KATNA1: variants seen among roughly 807,000 people sequenced by gnomAD.
The protein encoded by KATNA1 is katanin catalytic subunit A1.
KATNA1 carries 42 observed loss-of-function variants against 62.6 expected under a neutral mutation model. The observed-to-expected ratio is 0.67, with a 90% confidence interval of 0.52 to 0.87. The LOEUF is 0.87. KATNA1 is among the 40% of genes least tolerant of loss of function. KATNA1 has a pLI of 0.00. For missense variants in KATNA1, 498 were observed against 612.5 expected, an observed-to-expected ratio of 0.81 and a Z score of 1.97; for synonymous variants, 186 against 201.9, an observed-to-expected ratio of 0.92 and a Z score of 0.67.
intron 4 of KATNA1, among the ~76,000 whole-genome samples, chr6:149,616,142 T>C (rs1036374651): frequency 6.6e-6 from 1 of 152,182 alleles, no homozygotes; most frequent in Non-Finnish European, 1.5e-5. Context: ...AAATGAATGG[T>C]TGTGATGGCT....
rs150492238 is a variant in KATNA1 at position 149,627,387 on chromosome 6, G to A, written c.321-4104C>T. Among the ~76,000 whole-genome samples, 593 of 151,572 alleles carry A rather than the reference G, an allele frequency of 3.9e-3. 2 individuals carry two copies. Among genetic ancestry groups the A allele is most frequent in the Middle Eastern group, 0.014 (4 of 294 alleles). ...TCGAGACTAGCCTGGCAAATATGGC[G>A]AAACCCTGTCTACTAAAAATACAAA... On this transcript the variant is annotated intron_variant, in intron 3 of 10. Coordinates refer to ENST00000367411, the MANE Select transcript of KATNA1 (RefSeq NM_007044.4).
At chr6:149,641,665 G>A (rs754956421) in intron 1 of KATNA1, among the ~76,000 whole-genome samples, 3 of 152,148 alleles carry the variant, frequency 2.0e-5, no homozygotes, top group Non-Finnish European at 4.4e-5. Context: ...TACCTACAAT[G>A]CATCAAGACA....
intron 2 of KATNA1, among the ~76,000 whole-genome samples, chr6:149,638,106 G>A (rs540140260): frequency 1.5e-3 from 229 of 152,170 alleles, no homozygotes; most frequent in African/African-American, 5.3e-3. Flanking sequence ...CTCCCTAGTA[G>A]CTAGGACTAC....
At chr6:149,611,931 C>T (rs1403838955) in intron 4 of KATNA1, among the ~76,000 whole-genome samples, 1 of 151,822 alleles carries the variant, frequency 6.6e-6, no homozygotes, top group Non-Finnish European at 1.5e-5. Context: ...ACCCAGGAGG[C>T]GGAGCTTGCA....
intron 1 of KATNA1, among the ~76,000 whole-genome samples, chr6:149,646,173 T>C (rs1425653157): frequency 6.6e-6 from 1 of 152,012 alleles, no homozygotes; most frequent in Non-Finnish European, 1.5e-5. Context: ...AAGACAAAAA[T>C]AAGACAGAAT....
chr6:149,596,940 G>T, intron 10 of KATNA1, 123 bp downstream of exon 10: 1 of 895,740 alleles, frequency 1.1e-6, no homozygotes, highest in East Asian at 2.6e-5. Flanking sequence ...AGTAAGCTGT[G>T]ACTGCGCCTC....
At chr6:149,635,814 T>C (rs974406908) in intron 2 of KATNA1, among the ~76,000 whole-genome samples, 2 of 152,004 alleles carry the variant, frequency 1.3e-5, no homozygotes, top group African/African-American at 4.8e-5. Flanking sequence ...CCCAGCACTT[T>C]GGGAGGCCGA....
intron 4 of KATNA1, among the ~76,000 whole-genome samples, chr6:149,620,351 T>C (rs1779347425): frequency 6.6e-6 from 1 of 152,226 alleles, no homozygotes; most frequent in East Asian, 1.9e-4. Context: ...CAGGCTGGAG[T>C]GCAGTGGCGC....
chr6:149,633,366 CA>C (rs1779930143), intron 2 of KATNA1, among the ~76,000 whole-genome samples: 1 of 152,058 alleles, frequency 6.6e-6, no homozygotes, highest in African/African-American at 2.4e-5. Context: ...CTAGGCCTCC[CA>C]AAATGCTGGG....
intron 4 of KATNA1, among the ~76,000 whole-genome samples, chr6:149,615,132 CA>C (rs893824279): frequency 0.056 from 2,562 of 45,708 alleles, 32 homozygotes; most frequent in African/African-American, 0.18. Context: ...GACTCTGTCT[CA>C]AAAAAAAAAA....
intron 1 of KATNA1, among the ~76,000 whole-genome samples, chr6:149,646,580 G>A (rs914732382): frequency 6.6e-6 from 1 of 152,052 alleles, no homozygotes; most frequent in African/African-American, 2.4e-5. Flanking sequence ...ATTACAGCAT[G>A]GCATACATTT....
At chr6:149,634,433 G>A (rs947707615) in intron 2 of KATNA1, among the ~76,000 whole-genome samples, 1 of 152,132 alleles carries the variant, frequency 6.6e-6, no homozygotes, top group East Asian at 1.9e-4. Context: ...GCTGAGGTGA[G>A]AGAATTGCTT....
intron 4 of KATNA1, among the ~76,000 whole-genome samples, chr6:149,609,210 A>AACAC (rs1778852872): frequency 6.6e-6 from 1 of 152,208 alleles, no homozygotes; most frequent in Non-Finnish European, 1.5e-5. Flanking sequence ...ACTCCATGCC[A>AACAC]ACACACATTA....
chr6:149,638,142 AT>A (rs1780140021), intron 2 of KATNA1, among the ~76,000 whole-genome samples: 1 of 151,928 alleles, frequency 6.6e-6, no homozygotes, highest in South Asian at 2.1e-4. Flanking sequence ...CATCTGGCTA[AT>A]TTTTTTATTT....
chr6:149,619,088 G>T (rs936136968), intron 4 of KATNA1, among the ~76,000 whole-genome samples: 2 of 152,028 alleles, frequency 1.3e-5, no homozygotes, highest in Non-Finnish European at 2.9e-5. Context: ...TCTGACAAGG[G>T]ATTAATATCC....
chr6:149,611,462 CA>C (rs1179618459), intron 4 of KATNA1, among the ~76,000 whole-genome samples: 101 of 34,806 alleles, frequency 2.9e-3, no homozygotes, highest in Middle Eastern at 0.013. Context: ...AACTCTGTCT[CA>C]AAAAAAAAAA....
chr6:149,607,229 A>C (rs183456103), intron 4 of KATNA1, among the ~76,000 whole-genome samples: 3 of 152,360 alleles, frequency 2.0e-5, no homozygotes, highest in East Asian at 1.9e-4. Flanking sequence ...ACAGCCAAAG[A>C]AAGCTGTGGA....
At chr6:149,596,554 GA>G (rs1375867432) in intron 10 of KATNA1, among the ~76,000 whole-genome samples, 2 of 151,964 alleles carry the variant, frequency 1.3e-5, no homozygotes, top group African/African-American at 4.8e-5. Context: ...AACAAAACTG[GA>G]ATGTGGGTCT....
chr6:149,635,035 G>A (rs549773168), intron 2 of KATNA1, among the ~76,000 whole-genome samples: 1 of 150,642 alleles, frequency 6.6e-6, no homozygotes, highest in African/African-American at 2.4e-5. Context: ...TGAGAGTAAG[G>A]CTCCACCTCA....
Sources: gnomAD v4.1 joint callset for allele counts (sites outside exome capture counted in the v4.1 genomes callset) on GRCh38, gnomAD v4.1.1 for gene constraint, MANE v1.5 for transcripts, NCBI Gene and HGNC (gene_info 2026-07-23, HGNC 2026-07-21) for gene names.